RIMS1: variants seen among roughly 807,000 people sequenced by gnomAD.
The protein encoded by RIMS1 is regulating synaptic membrane exocytosis protein 1.
A neutral mutation model predicts 214.1 loss-of-function variants in RIMS1; 83 were observed. The ratio of observed to expected loss-of-function variants is 0.39; its 90% CI spans 0.32 to 0.47. The LOEUF is 0.47. Among genes scored for constraint, RIMS1 ranks in the 20% least tolerant of loss-of-function variants. The pLI is 0.99. For synonymous variants in RIMS1, 793 were observed against 786.8 expected, an observed-to-expected ratio of 1.01 and a Z score of -0.13; for missense variants, 2,050 against 2,161.8, an observed-to-expected ratio of 0.95 and a Z score of 1.03.
intron 1 of RIMS1, among the ~76,000 whole-genome samples, chr6:71,964,170 G>A (rs939476066): frequency 2.6e-5 from 4 of 152,166 alleles, no homozygotes; most frequent in Non-Finnish European, 4.4e-5. Context: ...CTTTAAAGAA[G>A]TAAGGGGTTT....
chr6:72,341,458 G>T (rs1336669444), intron 29 of RIMS1, among the ~76,000 whole-genome samples: 1 of 151,774 alleles, frequency 6.6e-6, no homozygotes, highest in Non-Finnish European at 1.5e-5. Context: ...CTGAGACTAT[G>T]ATTTCTAATA....
chr6:71,991,881 T>C (rs150368167), intron 2 of RIMS1, among the ~76,000 whole-genome samples: 7 of 152,244 alleles, frequency 4.6e-5, no homozygotes, highest in Middle Eastern at 3.4e-3. Context: ...CTGGCTAACA[T>C]GGTGAAACCC....
intron 1 of RIMS1, among the ~76,000 whole-genome samples, chr6:71,947,218 A>G (rs1314975751): frequency 6.6e-6 from 1 of 152,112 alleles, no homozygotes; most frequent in African/African-American, 2.4e-5. Flanking sequence ...TATCCAAAAA[A>G]TATGAAATCA....
chr6:71,937,182 G>A (rs111520141), intron 1 of RIMS1, among the ~76,000 whole-genome samples: 3,661 of 152,278 alleles, frequency 0.024, 64 homozygotes, highest in Non-Finnish European at 0.034. Context: ...TGTTATGCCA[G>A]ATTGCCACAG....
At chr6:72,272,559 G>C (rs1286233428) in intron 22 of RIMS1, among the ~76,000 whole-genome samples, 1 of 152,038 alleles carries the variant, frequency 6.6e-6, no homozygotes, top group Non-Finnish European at 1.5e-5. Flanking sequence ...ATTCACAATT[G>C]CTTGTTTCTA....
chr6:71,915,530 ACT>A (rs1217922704), intron 1 of RIMS1, among the ~76,000 whole-genome samples: 3 of 152,198 alleles, frequency 2.0e-5, no homozygotes, highest in East Asian at 3.9e-4. Context: ...TGCTCCACAA[ACT>A]CTGTTTCTTC....
chr6:72,050,215 T>TA (rs1458668088), intron 2 of RIMS1, among the ~76,000 whole-genome samples: 1 of 152,162 alleles, frequency 6.6e-6, no homozygotes, highest in Non-Finnish European at 1.5e-5. Context: ...TTGTAATATC[T>TA]ATTTTTTTAA....
chr6:72,301,682 C>T (rs1311918279), intron 26 of RIMS1, among the ~76,000 whole-genome samples: 1 of 151,394 alleles, frequency 6.6e-6, no homozygotes, highest in African/African-American at 2.4e-5. Context: ...ATGACATTTT[C>T]CTTGTATTAG....
intron 2 of RIMS1, among the ~76,000 whole-genome samples, chr6:72,032,458 C>T (rs899004285): frequency 6.6e-6 from 1 of 151,984 alleles, no homozygotes; most frequent in Non-Finnish European, 1.5e-5. Context: ...TTCATTTTAG[C>T]TGGAAATGAA....
intron 4 of RIMS1, among the ~76,000 whole-genome samples, chr6:72,102,060 C>A (rs1038484099): frequency 6.6e-6 from 1 of 151,916 alleles, no homozygotes; most frequent in Admixed American, 6.6e-5. Flanking sequence ...TCTAAAATTT[C>A]CCATAGCCAG....
chr6:71,985,963 A>T (rs1424517092), intron 2 of RIMS1, among the ~76,000 whole-genome samples: 1 of 152,186 alleles, frequency 6.6e-6, no homozygotes, highest in African/African-American at 2.4e-5. Context: ...TACTTTGAAT[A>T]TCTTTACTTT....
chr6:72,261,473 T>A, intron 19 of RIMS1: 5 of 971,392 alleles, frequency 5.1e-6, no homozygotes, highest in Non-Finnish European at 6.1e-6. Context: ...TCTCATTACA[T>A]CTTTAATTTC....
At chr6:72,185,792 C>G (rs2049012870) in intron 6 of RIMS1, among the ~76,000 whole-genome samples, 1 of 152,182 alleles carries the variant, frequency 6.6e-6, no homozygotes, top group South Asian at 2.1e-4. Context: ...CATAAAGTTA[C>G]ACCAGGTGTG....
chr6:72,207,356 AC>A (rs1167521465), intron 6 of RIMS1, among the ~76,000 whole-genome samples: 1 of 152,230 alleles, frequency 6.6e-6, no homozygotes, highest in African/African-American at 2.4e-5. Flanking sequence ...CTTAGCTTGT[AC>A]ATCATGTAAA....
intron 5 of RIMS1, among the ~76,000 whole-genome samples, chr6:72,181,313 G>T (rs9791273): frequency 0.28 from 43,231 of 152,122 alleles, 7,056 homozygotes; most frequent in Non-Finnish European, 0.37. Context: ...GTGTTACTAA[G>T]CTATTTGGAG....
chr6:72,357,347 G>A (rs1168087500), intron 29 of RIMS1, among the ~76,000 whole-genome samples: 1 of 152,188 alleles, frequency 6.6e-6, no homozygotes, highest in African/African-American at 2.4e-5. Flanking sequence ...TGAAGGATCA[G>A]TTCTGCTGCT....
At position 72,245,851 on chromosome 6, in the gene RIMS1, A is replaced by G. The variant is rs2069298841; in HGVS notation, c.2118A>G (p.Pro706=). 1.2e-6 allele frequency: 2 copies of G among 1,602,250 alleles called. No homozygotes were observed. The highest frequency in any genetic ancestry group is 1.3e-5 in the African/African-American group (1 of 74,644). Residue 706 remains proline (P), a synonymous_variant, in exon 11 of 34, where the codon CCA becomes CCG. Coordinates refer to ENST00000521978, the MANE Select transcript of RIMS1 (RefSeq NM_014989.7). ...GGATTCCTGAGAGCTCCCACCCTCC[A>G]CTGGAGTCCAGTGAGTATAAGGTTT... ...IPRIPESSHP[P]LESSSSSFES... is the part of the protein sequence containing the mutation.
At chr6:72,200,809 T>C (rs528961822) in intron 6 of RIMS1, among the ~76,000 whole-genome samples, 4 of 152,018 alleles carry the variant, frequency 2.6e-5, no homozygotes, top group Non-Finnish European at 5.9e-5. Flanking sequence ...TTAGCCGTTT[T>C]AATCATCTGT....
intron 6 of RIMS1, among the ~76,000 whole-genome samples, chr6:72,221,591 A>G (rs1371760679): frequency 6.6e-6 from 1 of 152,058 alleles, no homozygotes; most frequent in African/African-American, 2.4e-5. Flanking sequence ...CATTTTATTT[A>G]TAAGCTAAAT....
Sources: gnomAD v4.1 joint callset for allele counts (sites outside exome capture counted in the v4.1 genomes callset) on GRCh38, gnomAD v4.1.1 for gene constraint, MANE v1.5 for transcripts, NCBI Gene and HGNC (gene_info 2026-07-23, HGNC 2026-07-21) for gene names.